The following PTPRT variants were observed in gnomAD, a reference collection of about 807,000 sequenced individuals.
The protein encoded by PTPRT is receptor-type tyrosine-protein phosphatase T.
A neutral mutation model predicts 176.8 loss-of-function variants in PTPRT; 56 were observed. That is an observed-to-expected ratio of 0.32 (90% CI 0.26 to 0.40). The LOEUF is 0.40. Among genes scored for constraint, PTPRT ranks in the 10% least tolerant of loss-of-function variants. PTPRT has a pLI of 1.00. For missense variants in PTPRT, 1,540 were observed against 1,908.2 expected (o/e 0.81, Z 3.60); for synonymous variants, 783 against 739.0 (o/e 1.06, Z -0.96).
At chr20:42,127,008 T>C (rs1987891105) in intron 19 of PTPRT, among the ~76,000 whole-genome samples, 1 of 152,104 alleles carries the variant, frequency 6.6e-6, no homozygotes, top group Admixed American at 6.5e-5. Context: ...TAGGGTGTAG[T>C]TAGGGAAACA....
chr20:42,522,749 C>T (rs925163830), intron 7 of PTPRT, among the ~76,000 whole-genome samples: 5 of 152,168 alleles, frequency 3.3e-5, no homozygotes, highest in Non-Finnish European at 5.9e-5. Flanking sequence ...GTATGAGCCA[C>T]CATGCCCGGC....
chr20:42,143,556 C>CAAAA (rs36027241), intron 17 of PTPRT, among the ~76,000 whole-genome samples: 5 of 97,430 alleles, frequency 5.1e-5, no homozygotes, highest in African/African-American at 1.9e-4. Context: ...GACTCTGTTT[C>CAAAA]AAAAAAAAAA....
intron 7 of PTPRT, among the ~76,000 whole-genome samples, chr20:42,608,742 G>A (rs935517502): frequency 2.0e-5 from 3 of 152,192 alleles, no homozygotes; most frequent in African/African-American, 7.2e-5. Context: ...CGGACTTAGG[G>A]TCTTGCCATG....
chr20:42,105,017 T>G (rs1367222271), intron 24 of PTPRT, among the ~76,000 whole-genome samples: 1 of 152,182 alleles, frequency 6.6e-6, no homozygotes, highest in Non-Finnish European at 1.5e-5. Flanking sequence ...TCCCCTCAGC[T>G]TTCACCTTTA....
chr20:43,167,839 G>T (rs1178148522), intron 1 of PTPRT, among the ~76,000 whole-genome samples: 4 of 152,258 alleles, frequency 2.6e-5, no homozygotes. Context: ...AACTATATGA[G>T]GTTGGAAACA....
intron 16 of PTPRT, among the ~76,000 whole-genome samples, chr20:42,166,644 T>C (rs1989836466): frequency 6.6e-6 from 1 of 152,268 alleles, no homozygotes; most frequent in Admixed American, 6.5e-5. Context: ...CGGGGCCAGG[T>C]GCGGTGGTTC....
chr20:42,751,809 G>T (rs1033509992), intron 6 of PTPRT, among the ~76,000 whole-genome samples: 3 of 152,136 alleles, frequency 2.0e-5, no homozygotes. Flanking sequence ...ACACTGCCGA[G>T]CTTTCCTACT....
At chr20:43,009,330 A>T (rs144862312) in intron 1 of PTPRT, among the ~76,000 whole-genome samples, 1 of 152,300 alleles carries the variant, frequency 6.6e-6, no homozygotes, top group East Asian at 1.9e-4. Context: ...CTGAAATCCC[A>T]TAAAGATGCC....
chr20:42,628,950 G>GA (rs2074349988), intron 7 of PTPRT, among the ~76,000 whole-genome samples: 1 of 152,136 alleles, frequency 6.6e-6, no homozygotes, highest in African/African-American at 2.4e-5. Flanking sequence ...TACTTAGCAA[G>GA]AAAGTAGCAG....
chr20:42,199,167 G>A (rs1991348201), intron 16 of PTPRT, 73 bp downstream of exon 16: 2 of 1,531,644 alleles, frequency 1.3e-6, no homozygotes, highest in Admixed American at 3.5e-5. Context: ...ATCAATGTGT[G>A]GGGTTCACAG....
rs111871036 is a variant in PTPRT, at chr20:42,825,727, A to G, written c.215-34261T>C. The stretch of plus-strand genomic sequence containing the variant: ...CATAAACAAACCCATATATACCAAG[A>G]GAATGGGGAAAAAAGTGACAGCAAT... On this transcript the variant is annotated intron_variant, in intron 2 of 30. Transcript: ENST00000373187. Among the ~76,000 whole-genome samples, 95 of 152,266 alleles carry G rather than the reference A, an allele frequency of 6.2e-4. 1 individual carries two copies. The highest frequency in any genetic ancestry group is 2.0e-3 in the African/African-American group (82 of 41,572).
intron 6 of PTPRT, among the ~76,000 whole-genome samples, chr20:42,694,346 GT>G (rs1174363499): frequency 6.6e-6 from 1 of 152,078 alleles, no homozygotes. Context: ...CCTAGTCCAA[GT>G]TTTTGTGTGC....
At chr20:42,804,530 T>A in intron 2 of PTPRT, among the ~76,000 whole-genome samples, 1 of 152,194 alleles carries the variant, frequency 6.6e-6, no homozygotes, top group South Asian at 2.1e-4. Context: ...GCAGCTCTAG[T>A]GCTGACAACT....
intron 7 of PTPRT, among the ~76,000 whole-genome samples, chr20:42,580,168 C>A (rs1225013155): frequency 6.6e-6 from 1 of 152,166 alleles, no homozygotes; most frequent in East Asian, 1.9e-4. Flanking sequence ...GGAATCCTTT[C>A]CCCATTGCTT....
chr20:42,299,559 G>A (rs1237756725), intron 12 of PTPRT, among the ~76,000 whole-genome samples: 1 of 150,192 alleles, frequency 6.7e-6, no homozygotes, highest in Non-Finnish European at 1.5e-5. Flanking sequence ...TGTCAGAGAA[G>A]GGAATTACAG....
rs994597317 is a variant in PTPRT at position 42,985,501 on chromosome 20, A to G, written c.89-99569T>C. On this transcript the variant is annotated intron_variant, in intron 1 of 30. Coordinates refer to ENST00000373187, the MANE Select transcript of PTPRT (RefSeq NM_007050.6). ...AGAGTGAGACTCCGTTGCTAAATAA[A>G]TAAATAAATAAAGTGGGGATACAGT... is the stretch of plus-strand genomic sequence containing the variant. 2.0e-5 allele frequency among the ~76,000 whole-genome samples: 3 copies of G among 152,140 alleles called. No individual in the cohort carries two copies. In the East Asian group the frequency reaches 5.8e-4, roughly 29 times the overall value.
chr20:42,179,599 CCTAA>C (rs762141916), intron 16 of PTPRT, among the ~76,000 whole-genome samples: 21 of 152,114 alleles, frequency 1.4e-4, no homozygotes, highest in African/African-American at 3.9e-4. Context: ...TAAACAATGG[CCTAA>C]CTAATAAATT....
intron 4 of PTPRT, among the ~76,000 whole-genome samples, chr20:42,776,546 C>G (rs902731963): frequency 6.6e-6 from 1 of 152,116 alleles, no homozygotes; most frequent in Non-Finnish European, 1.5e-5. Context: ...GGAGAAACTA[C>G]GGTGGCCAAC....
At chr20:43,064,398 T>C (rs1321930416) in intron 1 of PTPRT, among the ~76,000 whole-genome samples, 12 of 152,160 alleles carry the variant, frequency 7.9e-5, no homozygotes, top group Admixed American at 7.9e-4. Flanking sequence ...CTTTATTATA[T>C]TAAGACAATG....
Sources: allele counts gnomAD v4.1 joint callset (sites outside exome capture counted in the v4.1 genomes callset), GRCh38; gene constraint gnomAD v4.1.1; transcripts MANE v1.5; gene names NCBI Gene and HGNC (gene_info 2026-07-23, HGNC 2026-07-21).